The following PPID variants were observed in gnomAD, a reference collection of about 807,000 sequenced individuals.
PPID encodes peptidylprolyl isomerase D.
In PPID, 47 loss-of-function variants were observed where a neutral mutation model predicts 48.1. The observed-to-expected ratio is 0.98, with a 90% confidence interval of 0.77 to 1.25. The LOEUF is 1.25. Ranked by LOEUF, PPID falls within the 50% of genes most tolerant of loss-of-function variation. The probability of loss-of-function intolerance (pLI) is 0.00; values close to 1 mark genes in which losing one functional copy is unlikely to be tolerated. For missense variants in PPID, 429 were observed against 443.5 expected, an observed-to-expected ratio of 0.97 and a Z score of 0.29; for synonymous variants, 163 against 148.8, an observed-to-expected ratio of 1.10 and a Z score of -0.69.
intron 2 of PPID, among the ~76,000 whole-genome samples, chr4:158,720,709 G>C (rs866488456): frequency 4.0e-4 from 56 of 141,478 alleles, no homozygotes; most frequent in African/African-American, 1.5e-3. Flanking sequence ...TTTTTTGTTT[G>C]TTTGTTTGTT....
intron 7 of PPID, among the ~76,000 whole-genome samples, chr4:158,712,870 TAC>T (rs1774811998): frequency 6.6e-6 from 1 of 152,202 alleles, no homozygotes; most frequent in African/African-American, 2.4e-5. Context: ...CTTAAGTGAA[TAC>T]ATGAGCTGAT....
rs1202615810 is a variant in PPID, at chr4:158,715,407, T to C, written c.646-4A>G. The C allele has an allele frequency of 6.7e-7, 1 of 1,494,410 alleles. No individual in the cohort carries two copies. The highest frequency in any genetic ancestry group is 2.3e-5 in the Admixed American group (1 of 44,270). The allele number at this position is 1,494,410 out of a possible 1,614,324, so 92.6% of individuals were successfully genotyped here. A position where few individuals can be genotyped will look rare whatever the true frequency, so the allele number is the denominator to read the frequency against. On this transcript the variant is annotated splice_region_variant and splice_polypyrimidine_tract_variant and intron_variant, in intron 5 of 9. Coordinates refer to ENST00000307720, the MANE Select transcript of PPID (RefSeq NM_005038.3). The stretch of plus-strand genomic sequence containing the variant: ...TTATTAATAAAATTTTATCTACCTG[T>C]ATAAAAAAATACAAATATGTTGGAT...
chr4:158,709,654 GATC>G lies in PPID; in HGVS notation c.*79_*81del. 9.7e-7 allele frequency: 1 copy of G among 1,026,204 alleles called. No homozygotes were observed. Among genetic ancestry groups the G allele is most frequent in the East Asian group, 2.5e-5 (1 of 40,390 alleles). 63.6% of individuals were successfully genotyped at this position (1,026,204 alleles called of 1,614,324 possible). On this transcript the variant is annotated 3_prime_UTR_variant, in exon 10 of 10. Coordinates refer to ENST00000307720, the MANE Select transcript of PPID (RefSeq NM_005038.3). Reference sequence around the variant, plus strand: ...AAGGTGTCAAAAGAAACACATTAGGGATCATATTCATAGACAAAAACCTTTACA... The same window carrying G: ...AAGGTGTCAAAAGAAACACATTAGGGATATTCATAGACAAAAACCTTTACA...
At chr4:158,711,218 C>CT (rs1309798199) in intron 7 of PPID, among the ~76,000 whole-genome samples, 2 of 151,842 alleles carry the variant, frequency 1.3e-5, no homozygotes, top group Non-Finnish European at 1.5e-5. Flanking sequence ...GTTATAAACT[C>CT]TTAAGTTTTT....
At position 158,715,665 on chromosome 4, in the gene PPID, C is replaced by T; in HGVS notation, c.542G>A (p.Cys181Tyr). Reference sequence around the variant, plus strand: ...GTCATCTCCTTCCTTCAATTCTCCACATTCTGCAATAACGCACAACTGTAA... The same window carrying T: ...GTCATCTCCTTCCTTCAATTCTCCATATTCTGCAATAACGCACAACTGTAA... The part of the protein sequence containing the change: ...KPAKLCVIAE[C>Y]GELKEGDDGG... The change falls in exon 5 of 10, where the codon TGT becomes TAT. Residue 181 changes from cysteine (C) to tyrosine (Y), a missense_variant. By Grantham distance (194) the Cys-to-Tyr change is radical. Transcript: ENST00000307720. The T allele has an allele frequency of 6.2e-7, 1 of 1,609,912 alleles. No individual in the cohort carries two copies. Among genetic ancestry groups the T allele is most frequent in the Non-Finnish European group, 8.5e-7 (1 of 1,176,128 alleles).
chr4:158,709,844 T>C lies in PPID; in HGVS notation c.1025-20A>G. On this transcript the variant is annotated intron_variant, in intron 9 of 9. Transcript: ENST00000307720. ...GGATAGCTGTAAAATAAATATGCAATGTGAGTTATTTCTCAAAATATCCAA... is the reference window on the plus strand; with the variant it reads ...GGATAGCTGTAAAATAAATATGCAACGTGAGTTATTTCTCAAAATATCCAA... 6.4e-7 allele frequency: 1 copy of C among 1,564,652 alleles called. No homozygotes were observed.
At chr4:158,722,797 T>A (rs993771246) in intron 1 of PPID, among the ~76,000 whole-genome samples, 1 of 152,210 alleles carries the variant, frequency 6.6e-6, no homozygotes, top group African/African-American at 2.4e-5. Context: ...CGTGCTGATA[T>A]ATTATCTCAT....
Position 158,723,271 on chromosome 4 carries a change from G to T in PPID, c.18C>A (p.Pro6=), listed in dbSNP as rs759390936. 6 of 1,613,954 alleles carry T rather than the reference G, an allele frequency of 3.7e-6. No individual in the cohort carries two copies. The highest frequency in any genetic ancestry group is 2.7e-5 in the African/African-American group (2 of 75,026). Residue 6 remains proline (P), a synonymous_variant, in exon 1 of 10, where the codon CCC becomes CCA. Transcript: ENST00000307720. The part of the protein sequence containing the change: MSHPS[P]QAKPSNPSNP... The stretch of plus-strand genomic sequence containing the variant: ...TACTGGGGTTGGAGGGCTTGGCTTG[G>T]GGGGACGGGTGCGACATCTTGACTT...
In PPID at chr4:158,719,201, T is replaced by C. The variant is rs548685262; in HGVS notation, c.312A>G (p.Glu104=). 3.1e-6 allele frequency: 5 copies of C among 1,600,166 alleles called. No homozygotes were observed. Among genetic ancestry groups the C allele is most frequent in the Non-Finnish European group, 4.3e-6 (5 of 1,168,036 alleles). The change falls in exon 3 of 10, where the codon GAA becomes GAG. Residue 104 remains glutamate (E), a synonymous_variant. Coordinates refer to ENST00000307720, the MANE Select transcript of PPID (RefSeq NM_005038.3). ...TTACCTTGTAATGGAAATTTTCATCTTCAAATTTTTCACCATAAATACTTT... is the reference window on the plus strand; with the variant it reads ...TTACCTTGTAATGGAAATTTTCATCCTCAAATTTTTCACCATAAATACTTT... ...GGESIYGEKF[E]DENFHYKHDR... is the part of the protein sequence containing the mutation.
chr4:158,713,161 C>A lies in PPID; in HGVS notation c.852G>T (p.Leu284=). 1 of 1,614,042 alleles carries A rather than the reference C, an allele frequency of 6.2e-7. No individual in the cohort carries two copies. Among genetic ancestry groups the A allele is most frequent in the Non-Finnish European group, 8.5e-7 (1 of 1,179,990 alleles). ...SCVLNIGACK[L]KMSNWQGAID... is the part of the protein sequence containing the mutation. The stretch of plus-strand genomic sequence containing the variant: ...TTGCTCCCTGCCAATTTGACATCTT[C>A]AGTTTACAAGCACCAATATTCAGTA... Residue 284 remains leucine, a synonymous_variant, in exon 7 of 10, where the codon CTG becomes CTT. Transcript: ENST00000307720.
chr4:158,710,171 A>C, intron 9 of PPID: 1 of 331,362 alleles, frequency 3.0e-6, no homozygotes. Context: ...AAACAAGCTT[A>C]TTTTTGTCAT....
chr4:158,713,453 A>C (rs1408417372), intron 6 of PPID, among the ~76,000 whole-genome samples, 193 bp from the exon 7 acceptor site: 2 of 152,248 alleles, frequency 1.3e-5, no homozygotes, highest in African/African-American at 4.8e-5. Flanking sequence ...AAGTGTTCAA[A>C]GAGGCCAATT....
rs778491261 is a variant in PPID at position 158,715,625 on chromosome 4, T to G, written c.582A>C (p.Pro194=). The G allele has an allele frequency of 8.1e-6, 13 of 1,612,630 alleles. No homozygotes were observed. Among genetic ancestry groups the G allele is most frequent in the Middle Eastern group, 3.3e-4 (2 of 6,080 alleles). ...GATGACTGTCGCCAGAGCCATCTTT[T>G]GGGAATATTCCCCCGTCATCTCCTT... ...LKEGDDGGIF[P]KDGSGDSHPD... is the part of the protein sequence containing the mutation. The change falls in exon 5 of 10, where the codon CCA becomes CCC. Residue 194 remains proline, a synonymous_variant. Coordinates refer to ENST00000307720, the MANE Select transcript of PPID (RefSeq NM_005038.3).
At chr4:158,714,689 C>G (rs990567559) in intron 6 of PPID, among the ~76,000 whole-genome samples, 5 of 151,530 alleles carry the variant, frequency 3.3e-5, no homozygotes, top group African/African-American at 1.2e-4. Context: ...CTCCTGGGTT[C>G]AAGTAATTCT....
intron 1 of PPID, among the ~76,000 whole-genome samples, chr4:158,722,797 T>C (rs993771246): frequency 6.6e-6 from 1 of 152,210 alleles, no homozygotes; most frequent in Non-Finnish European, 1.5e-5. Context: ...CGTGCTGATA[T>C]ATTATCTCAT....
rs745660385 is a variant in PPID, at chr4:158,723,311, T to A, written c.-23A>T. On this transcript the variant is annotated 5_prime_UTR_variant, in exon 1 of 10. Coordinates refer to ENST00000307720, the MANE Select transcript of PPID (RefSeq NM_005038.3). Reference sequence around the variant, plus strand: ...CATCTTGACTTGCAGACGTGTTTAGTACGGAATATCAGAGTACCTAGTGGC... The same window carrying A: ...CATCTTGACTTGCAGACGTGTTTAGAACGGAATATCAGAGTACCTAGTGGC... 1 of 1,609,116 alleles carries A rather than the reference T, an allele frequency of 6.2e-7. No homozygotes were observed. Among genetic ancestry groups the A allele is most frequent in the Admixed American group, 1.7e-5 (1 of 59,970 alleles).
chr4:158,716,892 C>CA, intron 4 of PPID, 120 bp downstream of exon 4: 2 of 976,892 alleles, frequency 2.0e-6, no homozygotes, highest in Non-Finnish European at 3.1e-6. Context: ...ACCTGGGAGA[C>CA]AGAGGCTGCA....
At chr4:158,715,051 T>C (rs1163147027) in intron 6 of PPID, among the ~76,000 whole-genome samples, 1 of 152,190 alleles carries the variant, frequency 6.6e-6, no homozygotes, top group Non-Finnish European at 1.5e-5. Context: ...TGTAAAAACG[T>C]AAACAGCAAA....
At chr4:158,716,371 G>A (rs776575070) in intron 4 of PPID, among the ~76,000 whole-genome samples, 3 of 152,238 alleles carry the variant, frequency 2.0e-5, no homozygotes, top group Non-Finnish European at 4.4e-5. Context: ...TCTAGTTAAT[G>A]CTACAATCCA....
Sources: gnomAD v4.1 joint callset for allele counts (sites outside exome capture counted in the v4.1 genomes callset) on GRCh38, gnomAD v4.1.1 for gene constraint, MANE v1.5 for transcripts, NCBI Gene and HGNC (gene_info 2026-07-23, HGNC 2026-07-21) for gene names.